The following ATP8A1 variants were observed in gnomAD, a reference collection of about 807,000 sequenced individuals.
The protein encoded by ATP8A1 is ATPase phospholipid transporting 8A1.
Under a neutral mutation model 177.7 loss-of-function variants are expected in ATP8A1, and 90 were observed. That is an observed-to-expected ratio of 0.51 (90% CI 0.43 to 0.60). The LOEUF (loss-of-function observed/expected upper bound fraction) is 0.60. Ranked by LOEUF, ATP8A1 falls within the 20% of genes least tolerant of loss-of-function variation. The pLI, the probability that ATP8A1 is intolerant of heterozygous loss-of-function variation, is 0.00. For synonymous variants in ATP8A1, 493 were observed against 485.9 expected, an observed-to-expected ratio of 1.01 and a Z score of -0.19; for missense variants, 1,072 against 1,392.8, an observed-to-expected ratio of 0.77 and a Z score of 3.67.
chr4:42,641,025 A>T (rs1028509170), intron 1 of ATP8A1, among the ~76,000 whole-genome samples: 8 of 151,992 alleles, frequency 5.3e-5, no homozygotes, highest in African/African-American at 9.7e-5. Flanking sequence ...AAAAAAAAAA[A>T]AAAGAACAAT....
intron 24 of ATP8A1, among the ~76,000 whole-genome samples, chr4:42,501,537 T>C (rs1400416818): frequency 6.6e-6 from 1 of 152,256 alleles, no homozygotes. Flanking sequence ...GACATTATAT[T>C]CCTAAGTTCA....
At chr4:42,510,431 A>C (rs1724892653) in intron 22 of ATP8A1, among the ~76,000 whole-genome samples, 1 of 152,196 alleles carries the variant, frequency 6.6e-6, no homozygotes, top group African/African-American at 2.4e-5. Context: ...AGCTACTTTT[A>C]GGGCATTTGC....
intron 16 of ATP8A1, among the ~76,000 whole-genome samples, chr4:42,555,132 T>C (rs1560454477): frequency 1.3e-5 from 1 of 75,854 alleles, no homozygotes; most frequent in African/African-American, 5.7e-5. Flanking sequence ...TATCTATCTA[T>C]CTATCTAATC....
At chr4:42,545,876 A>T (rs1029692779) in intron 19 of ATP8A1, among the ~76,000 whole-genome samples, 13 of 152,112 alleles carry the variant, frequency 8.5e-5, no homozygotes, top group Admixed American at 7.2e-4. Flanking sequence ...TAGGAGGCTG[A>T]GGCATGAGAA....
intron 5 of ATP8A1, among the ~76,000 whole-genome samples, chr4:42,615,086 T>C (rs947844102): frequency 5.3e-5 from 8 of 152,234 alleles, no homozygotes; most frequent in African/African-American, 1.4e-4. Flanking sequence ...TCAACAAATA[T>C]GTTATAAGCT....
chr4:42,572,052 A>C (rs1731956827), intron 14 of ATP8A1, among the ~76,000 whole-genome samples: 1 of 152,206 alleles, frequency 6.6e-6, no homozygotes, highest in African/African-American at 2.4e-5. Context: ...ATCTGGGGTG[A>C]AACTGAGCTG....
intron 27 of ATP8A1, among the ~76,000 whole-genome samples, chr4:42,464,143 A>T (rs1038290459): frequency 6.6e-6 from 1 of 152,206 alleles, no homozygotes; most frequent in Non-Finnish European, 1.5e-5. Flanking sequence ...TACATTATTA[A>T]TAATGTATTT....
intron 29 of ATP8A1, 73 bp downstream of exon 29, chr4:42,455,224 C>G: frequency 5.1e-6 from 8 of 1,576,684 alleles, no homozygotes; most frequent in Non-Finnish European, 6.9e-6. Context: ...CTTTGAAAAC[C>G]ACATACCCCA....
intron 27 of ATP8A1, among the ~76,000 whole-genome samples, chr4:42,464,265 C>CTTT (rs11365064): frequency 1.5e-4 from 19 of 130,116 alleles, no homozygotes; most frequent in Middle Eastern, 3.6e-3. Context: ...GGCTGACAAA[C>CTTT]TTTTTTTTTT....
chr4:42,587,675 T>C (rs1733762826), intron 8 of ATP8A1, among the ~76,000 whole-genome samples: 2 of 150,914 alleles, frequency 1.3e-5, no homozygotes, highest in South Asian at 4.2e-4. Flanking sequence ...GGCGCATTCT[T>C]GGCTCACTGC....
At chr4:42,656,803 C>A (rs758587773) in intron 1 of ATP8A1, 22 bp downstream of exon 1, 2 of 1,549,102 alleles carry the variant, frequency 1.3e-6, no homozygotes, top group East Asian at 2.5e-5. Context: ...CGGGCTAGCC[C>A]CGAGCCTCGG....
chr4:42,583,181 T>TCTA (rs34132370), intron 9 of ATP8A1, among the ~76,000 whole-genome samples: 146,107 of 152,114 alleles, frequency 0.96, 70,408 homozygotes, highest in East Asian at 1. Flanking sequence ...CTACACAAAT[T>TCTA]CTGACACAGG....
Position 42,534,797 on chromosome 4 carries a change from ATTAACAGCAGATT to A in ATP8A1, c.1722+9107_1722+9119del, listed in dbSNP as rs543091992. Among the ~76,000 whole-genome samples, 64 of 152,352 alleles carry A rather than the reference ATTAACAGCAGATT, an allele frequency of 4.2e-4. 1 individual carries two copies. The highest frequency in any genetic ancestry group is 2.7e-3 in the Admixed American group (42 of 15,306). ...TAACCTATAAATGAAAACCTATCAG[ATTAACAGCAGATT>A]TCTCAGCAGAAACCCTGCAAGTTAG... On this transcript the variant is annotated intron_variant, in intron 20 of 36. Transcript: ENST00000381668.
chr4:42,588,072 C>T (rs1733805932), intron 8 of ATP8A1, among the ~76,000 whole-genome samples, 188 bp downstream of exon 8: 1 of 152,078 alleles, frequency 6.6e-6, no homozygotes, highest in Non-Finnish European at 1.5e-5. Context: ...CATATTTAAC[C>T]AGACAAATAC....
chr4:42,497,646 TA>T (rs1169057055), intron 24 of ATP8A1, among the ~76,000 whole-genome samples: 5 of 151,318 alleles, frequency 3.3e-5, no homozygotes, highest in East Asian at 1.9e-4. Flanking sequence ...GAATTTTGTT[TA>T]AAAAAAAAGG....
chr4:42,471,976 T>A, intron 25 of ATP8A1: 1 of 707,862 alleles, frequency 1.4e-6, no homozygotes, highest in South Asian at 1.4e-5. Flanking sequence ...GTTGGTGGTG[T>A]CCAGAAAGCT....
chr4:42,536,280 T>C (rs1354397549), intron 20 of ATP8A1, among the ~76,000 whole-genome samples: 3 of 152,096 alleles, frequency 2.0e-5, no homozygotes, highest in Non-Finnish European at 4.4e-5. Flanking sequence ...TACTATAATG[T>C]AACCAATACG....
At chr4:42,606,153 T>G (rs1040531642) in intron 5 of ATP8A1, among the ~76,000 whole-genome samples, 1 of 152,236 alleles carries the variant, frequency 6.6e-6, no homozygotes, top group African/African-American at 2.4e-5. Flanking sequence ...ATGGCACAGA[T>G]GTGTCAATTA....
intron 1 of ATP8A1, among the ~76,000 whole-genome samples, chr4:42,637,655 T>G (rs1439762950): frequency 1.3e-5 from 2 of 152,214 alleles, no homozygotes; most frequent in African/African-American, 4.8e-5. Context: ...ATTTGGAAAC[T>G]GATAAAGTCC....
Sources: allele counts gnomAD v4.1 joint callset (sites outside exome capture counted in the v4.1 genomes callset), GRCh38; gene constraint gnomAD v4.1.1; transcripts MANE v1.5; gene names NCBI Gene and HGNC (gene_info 2026-07-23, HGNC 2026-07-21).